The following ZZEF1 variants were observed in gnomAD, a reference collection of about 807,000 sequenced individuals.
ZZEF1 encodes zinc finger ZZ-type and EF-hand domain containing 1.
In ZZEF1, 157 loss-of-function variants were observed where a neutral mutation model predicts 342.8. The ratio of observed to expected loss-of-function variants is 0.46; its 90% CI spans 0.40 to 0.52. The LOEUF is 0.52. Ranked by LOEUF, ZZEF1 falls within the 20% of genes least tolerant of loss-of-function variation. ZZEF1 has a pLI of 0.00. For missense variants in ZZEF1, 3,480 were observed against 3,725.6 expected (o/e 0.93, Z 1.72); for synonymous variants, 1,505 against 1,429.1 (o/e 1.05, Z -1.20).
Position 4,111,125 on chromosome 17 carries a change from A to G in ZZEF1, c.1067-1262T>C, listed in dbSNP as rs541358935. Among the ~76,000 whole-genome samples the G allele has an allele frequency of 2.0e-5, 3 of 152,374 alleles. No homozygotes were observed. The East Asian group carries it at 5.8e-4, about 29-fold the overall frequency. ...TCAACATTTTTGTAAAAAGATATGT[A>G]TAGATTTATGTGAACAGATACATAC... On this transcript the variant is annotated intron_variant, in intron 5 of 54. Coordinates refer to ENST00000381638, the MANE Select transcript of ZZEF1 (RefSeq NM_015113.4).
chr17:4,102,528 T>G, intron 8 of ZZEF1, 113 bp from the exon 9 acceptor site: 1 of 847,314 alleles, frequency 1.2e-6, no homozygotes, highest in South Asian at 1.6e-5. Context: ...TAACTAAAAA[T>G]CTCCCTGTTT....
intron 39 of ZZEF1, among the ~76,000 whole-genome samples, chr17:4,034,871 G>A (rs2046157839): frequency 6.6e-6 from 1 of 152,128 alleles, no homozygotes; most frequent in African/African-American, 2.4e-5. Context: ...AGTGGTACGT[G>A]CCTGTAGTCC....
chr17:4,051,815 T>C (rs1354441739), intron 35 of ZZEF1, among the ~76,000 whole-genome samples, 156 bp downstream of exon 35: 1 of 151,300 alleles, frequency 6.6e-6, no homozygotes, highest in Non-Finnish European at 1.5e-5. Context: ...ACCTGGGTAA[T>C]GGGTACATGA....
intron 17 of ZZEF1, among the ~76,000 whole-genome samples, chr17:4,082,076 A>G (rs1222499214): frequency 1.3e-5 from 2 of 152,132 alleles, no homozygotes; most frequent in African/African-American, 4.8e-5. Flanking sequence ...CCCTCCCAGC[A>G]CACTTCCTTC....
At chr17:4,105,903 T>C (rs2058204667) in intron 6 of ZZEF1, 94 bp from the exon 7 acceptor site, 2 of 957,188 alleles carry the variant, frequency 2.1e-6, no homozygotes, top group East Asian at 2.6e-5. Flanking sequence ...ACTAATCCCT[T>C]ATAAACAGAC....
intron 6 of ZZEF1, among the ~76,000 whole-genome samples, chr17:4,109,220 G>C (rs1030235230): frequency 6.6e-6 from 1 of 152,116 alleles, no homozygotes; most frequent in African/African-American, 2.4e-5. Flanking sequence ...TATAAAATGG[G>C]GTGATTTTCA....
At chr17:4,074,737 A>G (rs719387) in intron 23 of ZZEF1, among the ~76,000 whole-genome samples, 37,169 of 151,978 alleles carry the variant, frequency 0.24, 7,036 homozygotes, top group African/African-American at 0.53. Flanking sequence ...TGTGAGGCAG[A>G]CTCTTGGCTT....
rs760438460 is a variant in ZZEF1, at chr17:4,076,832, T to C, written c.3111+36A>G. 4 of 1,613,452 alleles carry C rather than the reference T, an allele frequency of 2.5e-6. No homozygotes were observed. In the Admixed American group the frequency reaches 6.7e-5, roughly 27 times the overall value. On this transcript the variant is annotated intron_variant, in intron 20 of 54. Coordinates refer to ENST00000381638, the MANE Select transcript of ZZEF1 (RefSeq NM_015113.4). ...TGGGGATGCAGACCCCCAACCCCCT[T>C]CCGGTTCTTTACAAATAGCTGCTAG...
At chr17:4,094,433 G>A (rs958470819) in intron 11 of ZZEF1, among the ~76,000 whole-genome samples, 1 of 152,074 alleles carries the variant, frequency 6.6e-6, no homozygotes, top group Non-Finnish European at 1.5e-5. Flanking sequence ...ACATGCATGA[G>A]CCACCACACT....
chr17:4,130,542 T>C (rs2058646931), intron 1 of ZZEF1, among the ~76,000 whole-genome samples: 1 of 150,950 alleles, frequency 6.6e-6, no homozygotes, highest in Non-Finnish European at 1.5e-5. Flanking sequence ...GGTTGGAAGG[T>C]GAAGAGACCG....
chr17:4,071,008 GA>G (rs760793128), intron 25 of ZZEF1, 84 bp from the exon 26 acceptor site: 34 of 1,509,078 alleles, frequency 2.3e-5, no homozygotes, highest in Middle Eastern at 1.8e-4. Flanking sequence ...GGCCAAAGCA[GA>G]AGTATAAAAC....
intron 24 of ZZEF1, 98 bp downstream of exon 24, chr17:4,074,052 C>A (rs1597851610): frequency 7.5e-7 from 1 of 1,324,528 alleles, no homozygotes; most frequent in Admixed American, 1.8e-5. Flanking sequence ...TATTATTAAC[C>A]CCCTGCCATT....
At chr17:4,031,587 A>G (rs1204650422) in intron 42 of ZZEF1, among the ~76,000 whole-genome samples, 1 of 152,166 alleles carries the variant, frequency 6.6e-6, no homozygotes, top group Non-Finnish European at 1.5e-5. Context: ...ACACTGCCTA[A>G]TGCTGATGCT....
At chr17:4,130,038 G>A (rs891429320) in intron 1 of ZZEF1, among the ~76,000 whole-genome samples, 3 of 152,016 alleles carry the variant, frequency 2.0e-5, no homozygotes, top group Non-Finnish European at 2.9e-5. Flanking sequence ...GGAGGGAGAG[G>A]ACCAGAAAAA....
chr17:4,087,423 TTC>T lies in ZZEF1; in HGVS notation c.2342+9_2342+10del, dbSNP rs1282713190. ...TATGTGCTTATCACCTTATAACAAA[TTC>T]TGACCTACTTTTGCTTTAATTTACT... On this transcript the variant is annotated intron_variant, in intron 14 of 54. Transcript: ENST00000381638. The T allele has an allele frequency of 6.2e-7, 1 of 1,602,334 alleles. No individual in the cohort carries two copies. Among genetic ancestry groups the T allele is most frequent in the Non-Finnish European group, 8.5e-7 (1 of 1,173,538 alleles).
At position 4,054,058 on chromosome 17, in the gene ZZEF1, T is replaced by C. The variant is rs754608676; in HGVS notation, c.5433A>G (p.Leu1811=). The C allele has an allele frequency of 1.2e-5, 19 of 1,609,326 alleles. No homozygotes were observed. The highest frequency in any genetic ancestry group is 2.2e-5 in the South Asian group (2 of 89,916). The part of the protein sequence containing the change: ...SDMDLCKTCF[L]GGVKPEGHGD... ...GCGTACCCAGTTCATGAAATTTACCTAGGAAGCAAGTTTTGCAGAGATCCA... is the reference window on the plus strand; with the variant it reads ...GCGTACCCAGTTCATGAAATTTACCCAGGAAGCAAGTTTTGCAGAGATCCA... Residue 1811 remains leucine, a splice_region_variant and synonymous_variant, in exon 34 of 55, where the codon CTA becomes CTG. Coordinates refer to ENST00000381638, the MANE Select transcript of ZZEF1 (RefSeq NM_015113.4).
At chr17:4,084,849 A>T (rs1360239056) in intron 16 of ZZEF1, among the ~76,000 whole-genome samples, 3 of 152,252 alleles carry the variant, frequency 2.0e-5, no homozygotes, top group East Asian at 3.8e-4. Context: ...CAAGTGGCTC[A>T]CGCCTGTAAT....
At position 4,016,687 on chromosome 17, in the gene ZZEF1, A is replaced by C. The variant is rs2676276; in HGVS notation, c.8002-221T>G. 6 of 519,834 alleles carry C rather than the reference A, an allele frequency of 1.2e-5. No homozygotes were observed. Among genetic ancestry groups the C allele is most frequent in the Non-Finnish European group, 2.0e-5 (6 of 296,106 alleles). 32.2% of individuals were successfully genotyped at this position (519,834 alleles called of 1,614,324 possible). ...ACTGCAGTCCTTTCAGAATGATGCT[A>C]CTTAGAGGTGGTCTGAAAGAACTAA... On this transcript the variant is annotated intron_variant, in intron 48 of 54. Coordinates refer to ENST00000381638, the MANE Select transcript of ZZEF1 (RefSeq NM_015113.4). This position sits in a 1 kb window ranked among gnomAD's most constrained non-coding sequence, Gnocchi z 4.4.
rs948336523 is a variant in ZZEF1 at position 4,077,983 on chromosome 17, C to T, written c.2889G>A (p.Leu963=). The T allele has an allele frequency of 6.2e-7, 1 of 1,614,184 alleles. No homozygotes were observed. The highest frequency in any genetic ancestry group is 1.3e-5 in the African/African-American group (1 of 75,056). ...GCAGGCTGCCTTGGACGGACCAGAA[C>T]AGGGAGAAGAGCACAGAGCCCACCT... ...PGEVGSVLFS[L]FWSVQGSLLS... The change falls in exon 19 of 55, where the codon CTG becomes CTA. Residue 963 remains leucine (L), a synonymous_variant. Transcript: ENST00000381638.
Sources: gnomAD v4.1 joint callset for allele counts (sites outside exome capture counted in the v4.1 genomes callset) on GRCh38, gnomAD v4.1.1 for gene constraint, Gnocchi (gnomAD v3.1) non-coding constraint, MANE v1.5 for transcripts, NCBI Gene and HGNC (gene_info 2026-07-23, HGNC 2026-07-21) for gene names.